RALYL: variants seen among roughly 807,000 people sequenced by gnomAD.
RALYL encodes RNA-binding Raly-like protein.
RALYL carries 29 observed loss-of-function variants against 35.1 expected under a neutral mutation model. The ratio of observed to expected loss-of-function variants is 0.83; its 90% CI spans 0.61 to 1.13. The LOEUF (loss-of-function observed/expected upper bound fraction) is 1.13, where lower values mean the gene tolerates loss of function less well. Among genes scored for constraint, RALYL ranks in the 50% most tolerant of loss-of-function variants. RALYL has a pLI of 0.00. For missense variants in RALYL, 359 were observed against 360.4 expected (o/e 1.00, Z 0.03); for synonymous variants, 120 against 127.6 (o/e 0.94, Z 0.40).
chr8:84,326,954 A>G (rs1405469000), intron 1 of RALYL, among the ~76,000 whole-genome samples: 5 of 138,274 alleles, frequency 3.6e-5, no homozygotes, highest in Non-Finnish European at 6.3e-5. Context: ...TAAAGTGTTA[A>G]TGGAGAATGG....
intron 1 of RALYL, among the ~76,000 whole-genome samples, chr8:84,484,780 A>G (rs572625704): frequency 1.3e-5 from 2 of 152,302 alleles, no homozygotes; most frequent in East Asian, 1.9e-4. Flanking sequence ...CTAAAGTCAT[A>G]TGTGAGTTTT....
intron 1 of RALYL, among the ~76,000 whole-genome samples, chr8:84,381,896 G>A (rs937086131): frequency 6.6e-5 from 10 of 151,400 alleles, no homozygotes; most frequent in Non-Finnish European, 1.5e-5. Context: ...CTTTCTCTCA[G>A]TATAATGAAT....
chr8:84,783,288 A>T (rs1378060051), intron 3 of RALYL, among the ~76,000 whole-genome samples: 1 of 152,224 alleles, frequency 6.6e-6, no homozygotes, highest in African/African-American at 2.4e-5. Context: ...AATCCTCTCC[A>T]CAAAGCTAAT....
At chr8:84,672,207 G>C (rs934891677) in intron 2 of RALYL, among the ~76,000 whole-genome samples, 2 of 152,122 alleles carry the variant, frequency 1.3e-5, no homozygotes, top group Admixed American at 6.5e-5. Flanking sequence ...CATAACAGGA[G>C]TCACTTTTAC....
At chr8:84,846,320 G>A (rs1834654129) in intron 4 of RALYL, among the ~76,000 whole-genome samples, 2 of 152,288 alleles carry the variant, frequency 1.3e-5, no homozygotes, top group East Asian at 1.9e-4. Context: ...TTTGAGCAGT[G>A]TTTTGTAGTT....
chr8:84,242,973 G>T (rs907069438), intron 1 of RALYL, among the ~76,000 whole-genome samples: 4 of 152,058 alleles, frequency 2.6e-5, no homozygotes, highest in African/African-American at 4.8e-5. Context: ...ATAGTCTTGG[G>T]TTTTACATTT....
chr8:84,196,420 A>G (rs1035326795), intron 1 of RALYL, among the ~76,000 whole-genome samples: 6 of 152,248 alleles, frequency 3.9e-5, no homozygotes, highest in African/African-American at 1.2e-4. Context: ...TCTAAAAGAC[A>G]TATTAAAAAA....
At chr8:84,335,842 T>G (rs1847711836) in intron 1 of RALYL, among the ~76,000 whole-genome samples, 1 of 151,522 alleles carries the variant, frequency 6.6e-6, no homozygotes, top group Non-Finnish European at 1.5e-5. Flanking sequence ...TTGGGCCTTC[T>G]GCCAAAACTG....
At chr8:84,551,497 C>T (rs2135432749) in intron 2 of RALYL, among the ~76,000 whole-genome samples, 1 of 152,112 alleles carries the variant, frequency 6.6e-6, no homozygotes, top group East Asian at 1.9e-4. Context: ...TTAGATCAGG[C>T]TTTTCCTCTT....
intron 4 of RALYL, among the ~76,000 whole-genome samples, chr8:84,820,037 C>G (rs1323246049): frequency 6.6e-6 from 1 of 152,042 alleles, no homozygotes; most frequent in African/African-American, 2.4e-5. Flanking sequence ...TTTAAAAAAT[C>G]AATCTATTAG....
rs576561041 is a variant in RALYL at position 84,503,945 on chromosome 8, A to T, written c.-23-25354A>T. Among the ~76,000 whole-genome samples, 6 of 152,238 alleles carry T rather than the reference A, an allele frequency of 3.9e-5. No individual in the cohort carries two copies. In the East Asian group the frequency reaches 9.7e-4, roughly 25 times the overall value. ...AGTAAAGACAAAATAATCAAATATT[A>T]GAAAAAATATAGGGATATTAATTCA... On this transcript the variant is annotated intron_variant, in intron 1 of 8. Coordinates refer to ENST00000521268, the MANE Select transcript of RALYL (RefSeq NM_173848.7).
At chr8:84,388,031 C>G (rs914703323) in intron 1 of RALYL, among the ~76,000 whole-genome samples, 2 of 151,952 alleles carry the variant, frequency 1.3e-5, no homozygotes, top group African/African-American at 4.8e-5. Context: ...TGTGATGTTC[C>G]CCTTCCTGTG....
chr8:84,284,717 T>C lies in RALYL; in HGVS notation c.-24+100293T>C, dbSNP rs531210974. On this transcript the variant is annotated intron_variant, in intron 1 of 8. Transcript: ENST00000521268. The stretch of plus-strand genomic sequence containing the variant: ...TTAAAGGAACTCATGAAGTCATTAA[T>C]TGGAAAGAGACACAGGTTAAAATTC... Among the ~76,000 whole-genome samples the C allele has an allele frequency of 4.0e-3, 609 of 152,312 alleles. 5 individuals are homozygous for C. Among genetic ancestry groups the C allele is most frequent in the Middle Eastern group, 0.01 (3 of 294 alleles).
At chr8:84,546,234 T>C (rs558448880) in intron 2 of RALYL, among the ~76,000 whole-genome samples, 1 of 152,152 alleles carries the variant, frequency 6.6e-6, no homozygotes, top group Non-Finnish European at 1.5e-5. Flanking sequence ...CAAGTGATTC[T>C]ACTACCTCAG....
intron 1 of RALYL, among the ~76,000 whole-genome samples, chr8:84,222,301 C>T (rs1349485514): frequency 6.6e-6 from 1 of 152,060 alleles, no homozygotes; most frequent in Non-Finnish European, 1.5e-5. Context: ...TATTGAACAC[C>T]TGTCACATTC....
chr8:84,920,588 G>A (rs1587256659), intron 8 of RALYL, among the ~76,000 whole-genome samples: 1 of 151,982 alleles, frequency 6.6e-6, no homozygotes, highest in East Asian at 1.9e-4. Flanking sequence ...CCCTAGTCTA[G>A]AACTTTAAGT....
chr8:84,584,767 C>T (rs1044811248), intron 2 of RALYL, among the ~76,000 whole-genome samples: 7 of 151,972 alleles, frequency 4.6e-5, no homozygotes, highest in Non-Finnish European at 1.0e-4. Context: ...ACTTTGCTAA[C>T]GCTTGTGTTA....
intron 2 of RALYL, among the ~76,000 whole-genome samples, chr8:84,722,617 T>TATATATATATATATATATATATA (rs1554546342): frequency 7.2e-5 from 7 of 97,362 alleles, no homozygotes; most frequent in African/African-American, 1.6e-4. Flanking sequence ...TAGAGTGATT[T>TATATATATATATATATATATATA]TATATATATA....
intron 1 of RALYL, among the ~76,000 whole-genome samples, chr8:84,490,347 C>A (rs1400909405): frequency 6.6e-6 from 1 of 151,758 alleles, no homozygotes; most frequent in East Asian, 1.9e-4. Flanking sequence ...CCTCAAGGGG[C>A]CATAGCAAAG....
Sources: gnomAD v4.1 joint callset for allele counts (sites outside exome capture counted in the v4.1 genomes callset) on GRCh38, gnomAD v4.1.1 for gene constraint, MANE v1.5 for transcripts, NCBI Gene and HGNC (gene_info 2026-07-23, HGNC 2026-07-21) for gene names.